The following CLEC16A variants were observed in gnomAD, a reference collection of about 807,000 sequenced individuals.
CLEC16A encodes C-type lectin domain containing 16A, also known as protein CLEC16A.
Under a neutral mutation model 109.5 loss-of-function variants are expected in CLEC16A, and 51 were observed. That is an observed-to-expected ratio of 0.47 (90% confidence interval 0.37 to 0.59). CLEC16A has a LOEUF of 0.59. Ranked by LOEUF, CLEC16A falls within the 20% of genes least tolerant of loss-of-function variation. The probability of loss-of-function intolerance (pLI) is 0.00; values close to 1 mark genes in which losing one functional copy is unlikely to be tolerated. For missense variants in CLEC16A, 1,339 were observed against 1,394.0 expected, an observed-to-expected ratio of 0.96 and a Z score of 0.63; for synonymous variants, 673 against 564.2, an observed-to-expected ratio of 1.19 and a Z score of -2.73.
At position 10,973,030 on chromosome 16, in the gene CLEC16A, G is replaced by A. The variant is rs1388153357; in HGVS notation, c.697G>A (p.Glu233Lys). The change falls in exon 7 of 24, where the codon GAA becomes AAA. Residue 233 changes from glutamate to lysine, a missense_variant. Transcript: ENST00000409790. The stretch of plus-strand genomic sequence containing the variant: ...CTGGTTCATTGGGAGCCATGTGATC[G>A]AACTCGATGACTGCGTGCAGACTGA... ...LVWFIGSHVI[E>K]LDDCVQTDEE... 22 of 1,608,930 alleles carry A rather than the reference G, an allele frequency of 1.4e-5. No homozygotes were observed. Among genetic ancestry groups the A allele is most frequent in the Non-Finnish European group, 1.8e-5 (21 of 1,177,584 alleles).
intron 19 of CLEC16A, among the ~76,000 whole-genome samples, chr16:11,075,394 G>GTGTGTGTC (rs2049297523): frequency 7.6e-6 from 1 of 132,172 alleles, no homozygotes; most frequent in African/African-American, 3.0e-5. Context: ...GTGTGTGTGT[G>GTGTGTGTC]TGTGTGTGTG....
intron 7 of CLEC16A, among the ~76,000 whole-genome samples, chr16:10,975,373 G>A (rs1159498092): frequency 6.6e-6 from 1 of 152,102 alleles, no homozygotes; most frequent in Non-Finnish European, 1.5e-5. Flanking sequence ...TGGGCCAGGA[G>A]CTGCTCTTTT....
At chr16:11,114,913 C>T (rs993233347) in intron 19 of CLEC16A, among the ~76,000 whole-genome samples, 5 of 152,366 alleles carry the variant, frequency 3.3e-5, no homozygotes, top group Non-Finnish European at 5.9e-5. Flanking sequence ...GGGATCCTTC[C>T]TGTCTCACTG....
chr16:11,041,943 G>A, intron 14 of CLEC16A: 1 of 283,578 alleles, frequency 3.5e-6, no homozygotes, highest in Non-Finnish European at 6.7e-6. Flanking sequence ...GCTCTCTAAA[G>A]GAAGTGGGGG....
chr16:11,025,853 T>C (rs748547239), intron 13 of CLEC16A, among the ~76,000 whole-genome samples: 5 of 152,298 alleles, frequency 3.3e-5, no homozygotes, highest in South Asian at 2.1e-4. Context: ...GCTCTCCTCT[T>C]CAAAGGCAGT....
At position 11,039,753 on chromosome 16, in the gene CLEC16A, G is replaced by C. The variant is rs1383719708; in HGVS notation, c.1538-1G>C. The C allele has an allele frequency of 7.5e-6, 12 of 1,596,892 alleles. No homozygotes were observed. Among genetic ancestry groups the C allele is most frequent in the Non-Finnish European group, 1.0e-5 (12 of 1,171,768 alleles). The stretch of plus-strand genomic sequence containing the variant: ...ACTTACATCCTTCTCCTCTGTTCCA[G>C]GCATGGATCCTGAAAAATTAGAGCG... On this transcript the variant is annotated splice_acceptor_variant, in intron 13 of 23. Transcript: ENST00000409790. LOFTEE classifies it high-confidence loss of function.
intron 2 of CLEC16A, among the ~76,000 whole-genome samples, chr16:10,958,239 G>C (rs965398053): frequency 2.0e-5 from 3 of 152,184 alleles, no homozygotes; most frequent in Non-Finnish European, 4.4e-5. Flanking sequence ...CAGAAGGCCT[G>C]TGCCCTGGGG....
intron 22 of CLEC16A, among the ~76,000 whole-genome samples, chr16:11,144,360 T>C (rs1389508448): frequency 6.6e-6 from 1 of 152,194 alleles, no homozygotes; most frequent in Non-Finnish European, 1.5e-5. Flanking sequence ...GTCAGCTCTT[T>C]GCTCCTCCAG....
chr16:10,994,161 A>T (rs1442396743), intron 10 of CLEC16A, among the ~76,000 whole-genome samples: 2 of 152,186 alleles, frequency 1.3e-5, no homozygotes, highest in African/African-American at 2.4e-5. Context: ...ATGGAGAAGA[A>T]TGCCGTGTTC....
At chr16:11,129,983 C>T (rs1417357183) in intron 22 of CLEC16A, among the ~76,000 whole-genome samples, 6 of 152,074 alleles carry the variant, frequency 3.9e-5, no homozygotes, top group African/African-American at 1.4e-4. Context: ...AGGATGGTCT[C>T]GATCTCCTGA....
Position 10,992,717 on chromosome 16 carries a change from A to G in CLEC16A, c.1071+9726A>G, listed in dbSNP as rs536766941. Among the ~76,000 whole-genome samples the G allele has an allele frequency of 2.0e-5, 3 of 152,026 alleles. No individual in the cohort carries two copies. The East Asian group carries it at 5.8e-4, about 30-fold the overall frequency. On this transcript the variant is annotated intron_variant, in intron 10 of 23. Coordinates refer to ENST00000409790, the MANE Select transcript of CLEC16A (RefSeq NM_015226.3). ...CACTCCCTGCCTCGAGTAATTGTTGAGCCCCTACAAGTTGCAGGCAGGTGC... is the reference window on the plus strand; with the variant it reads ...CACTCCCTGCCTCGAGTAATTGTTGGGCCCCTACAAGTTGCAGGCAGGTGC...
intron 3 of CLEC16A, among the ~76,000 whole-genome samples, chr16:10,968,403 A>G (rs1259713935): frequency 6.6e-6 from 1 of 152,220 alleles, no homozygotes; most frequent in Non-Finnish European, 1.5e-5. Context: ...GCATTTCTGC[A>G]GGGCCAGGCG....
intron 19 of CLEC16A, among the ~76,000 whole-genome samples, chr16:11,090,302 A>T (rs1413334423): frequency 6.6e-6 from 1 of 152,120 alleles, no homozygotes; most frequent in Admixed American, 6.5e-5. Context: ...GTGTGGTCAG[A>T]ATTTCACTTT....
Position 11,060,412 on chromosome 16 carries a change from G to A in CLEC16A, c.1996-490G>A, listed in dbSNP as rs186895848. ...ACCCTCTTCTGTCTGCCCCACCCCC[G>A]TATTCAGTAGGTAGTACCTTGAAAT... On this transcript the variant is annotated intron_variant, in intron 18 of 23. Coordinates refer to ENST00000409790, the MANE Select transcript of CLEC16A (RefSeq NM_015226.3). Among the ~76,000 whole-genome samples, 275 of 152,320 alleles carry A rather than the reference G, an allele frequency of 1.8e-3. 2 individuals are homozygous for A. The highest frequency in any genetic ancestry group is 6.3e-3 in the African/African-American group (263 of 41,560).
intron 22 of CLEC16A, among the ~76,000 whole-genome samples, chr16:11,164,708 G>T (rs1158900035): frequency 6.6e-6 from 1 of 152,260 alleles, no homozygotes; most frequent in Non-Finnish European, 1.5e-5. Flanking sequence ...GATCGAGAAA[G>T]CAGCCATAGT....
At chr16:10,952,880 G>T (rs2041806106) in intron 1 of CLEC16A, among the ~76,000 whole-genome samples, 1 of 152,210 alleles carries the variant, frequency 6.6e-6, no homozygotes, top group Non-Finnish European at 1.5e-5. Flanking sequence ...CAATAGATCT[G>T]CAAGATTCCT....
intron 1 of CLEC16A, among the ~76,000 whole-genome samples, chr16:10,951,581 C>G (rs2041735703): frequency 6.6e-6 from 1 of 152,214 alleles, no homozygotes; most frequent in Non-Finnish European, 1.5e-5. Context: ...GCAGATGCCT[C>G]AGCTCCCAGA....
intron 3 of CLEC16A, among the ~76,000 whole-genome samples, chr16:10,967,601 C>T (rs541939323): frequency 6.6e-5 from 10 of 152,266 alleles, no homozygotes; most frequent in Admixed American, 1.3e-4. Flanking sequence ...TTAACATTAT[C>T]GAGTGCTTGC....
At chr16:11,164,618 G>A (rs2054840198) in intron 22 of CLEC16A, among the ~76,000 whole-genome samples, 1 of 152,218 alleles carries the variant, frequency 6.6e-6, no homozygotes, top group Non-Finnish European at 1.5e-5. Flanking sequence ...CTTCTGTCCA[G>A]AGCCAGGTAA....
Sources: allele counts gnomAD v4.1 joint callset (sites outside exome capture counted in the v4.1 genomes callset), GRCh38; gene constraint gnomAD v4.1.1; transcripts MANE v1.5; gene names NCBI Gene and HGNC (gene_info 2026-07-23, HGNC 2026-07-21).